TSTD2: variants seen among roughly 807,000 people sequenced by gnomAD.
TSTD2 encodes thiosulfate sulfurtransferase like domain containing 2.
Under a neutral mutation model 47.9 loss-of-function variants are expected in TSTD2, and 37 were observed. The ratio of observed to expected loss-of-function variants is 0.77; its 90% CI spans 0.59 to 1.02. The LOEUF is 1.02. TSTD2 is among the 50% of genes least tolerant of loss of function. The pLI is 0.00. For missense variants in TSTD2, 586 were observed against 616.0 expected, an observed-to-expected ratio of 0.95 and a Z score of 0.52; for synonymous variants, 201 against 215.9, an observed-to-expected ratio of 0.93 and a Z score of 0.61.
chr9:97,615,447 T>C lies in TSTD2; in HGVS notation c.603+2310A>G, dbSNP rs760320961. On this transcript the variant is annotated intron_variant, in intron 4 of 9. Transcript: ENST00000341170. ...CAGATCTTACTAGCTCCCAATCTTA[T>C]AACTTTTCCTTTCCAAAGCCTTCAA... Among the ~76,000 whole-genome samples, 2 of 152,374 alleles carry C rather than the reference T, an allele frequency of 1.3e-5. 1 individual carries two copies.
chr9:97,608,717 G>A (rs1276469044), intron 6 of TSTD2, among the ~76,000 whole-genome samples: 1 of 152,184 alleles, frequency 6.6e-6, no homozygotes, highest in Non-Finnish European at 1.5e-5. Context: ...TGCCTGCAAT[G>A]TCCTGCAGTG....
rs1826245129 is a variant in TSTD2, at chr9:97,601,009, G to A, written c.*1460C>T. On this transcript the variant is annotated 3_prime_UTR_variant, in exon 10 of 10. Coordinates refer to ENST00000341170, the MANE Select transcript of TSTD2 (RefSeq NM_139246.5). Reference sequence around the variant, plus strand: ...GAACTCCAGAGCACTGAGCAGAGAGGCTGGTGATGAAAAGGTGAAGGCCTG... The same window carrying A: ...GAACTCCAGAGCACTGAGCAGAGAGACTGGTGATGAAAAGGTGAAGGCCTG... The A allele has an allele frequency of 7.8e-7, 1 of 1,289,086 alleles. No individual in the cohort carries two copies. Among genetic ancestry groups the A allele is most frequent in the Non-Finnish European group, 1.0e-6 (1 of 980,218 alleles). 79.9% of individuals were successfully genotyped at this position (1,289,086 alleles called of 1,614,324 possible). A position where few individuals can be genotyped will look rare whatever the true frequency, so the allele number is the denominator to read the frequency against.
rs370389075 is a variant in TSTD2 at position 97,602,699 on chromosome 9, C to T, written c.1321G>A (p.Val441Ile). ...LCSTPQCRQL[V>I]LTCPACQGQG... ...CCTTGACAGGCAGGGCAGGTCAAAA[C>T]GAGCTGGCGGCACTGGGGAGTAGAG... Residue 441 changes from valine to isoleucine, a missense_variant, in exon 10 of 10, where the codon GTT becomes ATT. Physicochemically the swap from Val to Ile is conservative, Grantham distance 29. Transcript: ENST00000341170. 14 of 1,614,050 alleles carry T rather than the reference C, an allele frequency of 8.7e-6. No homozygotes were observed. The highest frequency in any genetic ancestry group is 4.5e-5 in the East Asian group (2 of 44,894).
intron 5 of TSTD2, 126 bp downstream of exon 5, chr9:97,611,448 A>G (rs1250494750): frequency 1.3e-5 from 16 of 1,186,626 alleles, no homozygotes; most frequent in African/African-American, 4.6e-5. Flanking sequence ...CCAAGCCCCA[A>G]AAAATAAAGG....
chr9:97,614,775 C>T (rs1187953771), intron 4 of TSTD2, among the ~76,000 whole-genome samples: 1 of 152,208 alleles, frequency 6.6e-6, no homozygotes, highest in East Asian at 1.9e-4. Flanking sequence ...ACGTATAGTA[C>T]TGTAAAATGT....
At chr9:97,623,423 C>A (rs1826671171) in intron 3 of TSTD2, among the ~76,000 whole-genome samples, 1 of 152,212 alleles carries the variant, frequency 6.6e-6, no homozygotes, top group Admixed American at 6.5e-5. Context: ...CAGACTAATA[C>A]AAAACCCTTT....
intron 9 of TSTD2, 161 bp from the exon 10 acceptor site, chr9:97,602,928 C>T: frequency 1.7e-6 from 1 of 599,562 alleles, no homozygotes; most frequent in Non-Finnish European, 2.8e-6. Flanking sequence ...AACTAACCAC[C>T]ACCCCCACCA....
intron 1 of TSTD2, among the ~76,000 whole-genome samples, chr9:97,628,902 C>T (rs904959904): frequency 1.3e-5 from 2 of 152,180 alleles, no homozygotes; most frequent in African/African-American, 4.8e-5. Context: ...CAGCATCAAC[C>T]ACTAGACCCT....
At chr9:97,628,552 A>G (rs1826758440) in intron 1 of TSTD2, among the ~76,000 whole-genome samples, 1 of 152,196 alleles carries the variant, frequency 6.6e-6, no homozygotes. Flanking sequence ...TATTATTAAT[A>G]TTTTAATTGA....
chr9:97,626,142 A>T, intron 2 of TSTD2, 145 bp from the exon 3 acceptor site: 4 of 783,928 alleles, frequency 5.1e-6, no homozygotes, highest in Non-Finnish European at 7.8e-6. Context: ...CTGAGAAGTA[A>T]CACTTCTCTT....
At chr9:97,624,421 C>T (rs551211483) in intron 3 of TSTD2, among the ~76,000 whole-genome samples, 32 of 152,240 alleles carry the variant, frequency 2.1e-4, no homozygotes, top group African/African-American at 7.2e-4. Flanking sequence ...AACAGATTTA[C>T]TGGCCCCAGT....
chr9:97,633,360 G>A lies in TSTD2; in HGVS notation c.-168C>T. Reference sequence around the variant, plus strand: ...GCCGCGTATTTGGGTAGAAAAGCTCGCTCGTGACGTCACCAAGCTCCGGAA... The same window carrying A: ...GCCGCGTATTTGGGTAGAAAAGCTCACTCGTGACGTCACCAAGCTCCGGAA... On this transcript the variant is annotated 5_prime_UTR_variant, in exon 1 of 10. Coordinates refer to ENST00000341170, the MANE Select transcript of TSTD2 (RefSeq NM_139246.5). 5.3e-6 allele frequency: 2 copies of A among 378,276 alleles called. No individual in the cohort carries two copies. The highest frequency in any genetic ancestry group is 9.4e-6 in the Non-Finnish European group (2 of 213,040). The allele number at this position is 378,276 out of a possible 1,614,324, so 23.4% of individuals were successfully genotyped here. A position where few individuals can be genotyped will look rare whatever the true frequency, so the allele number is the denominator to read the frequency against.
At position 97,610,324 on chromosome 9, in the gene TSTD2, A is replaced by G. The variant is rs200186171; in HGVS notation, c.835+22T>C. 198 of 1,592,064 alleles carry G rather than the reference A, an allele frequency of 1.2e-4. No individual in the cohort carries two copies. In the African/African-American group the frequency reaches 2.2e-3, roughly 18 times the overall value. The stretch of plus-strand genomic sequence containing the variant: ...GTTTTGTCCCTGTGAATTAAAGCAC[A>G]ATCTTCTAAAAGCAAGCATACCAGG... On this transcript the variant is annotated intron_variant, in intron 6 of 9. Transcript: ENST00000341170.
chr9:97,611,768 A>G, intron 4 of TSTD2, 69 bp from the exon 5 acceptor site: 1 of 1,522,578 alleles, frequency 6.6e-7, no homozygotes, highest in South Asian at 1.2e-5. Flanking sequence ...GGGAAGAACA[A>G]TAGGCTCATG....
intron 6 of TSTD2, 108 bp downstream of exon 6, chr9:97,610,238 T>C (rs752348554): frequency 2.2e-6 from 2 of 924,508 alleles, no homozygotes; most frequent in Non-Finnish European, 1.6e-6. Context: ...CCACAGCTGC[T>C]TTAGAGAGGA....
chr9:97,629,912 C>T (rs117906209), intron 1 of TSTD2, among the ~76,000 whole-genome samples: 4,353 of 152,304 alleles, frequency 0.029, 90 homozygotes, highest in Non-Finnish European at 0.041. Flanking sequence ...CCTCCAGCAT[C>T]TTTTCCAATC....
intron 6 of TSTD2, 147 bp downstream of exon 6, chr9:97,610,199 G>A: frequency 1.7e-6 from 1 of 581,828 alleles, no homozygotes; most frequent in South Asian, 2.4e-5. Flanking sequence ...AACAGTATAA[G>A]CACTGGATGC....
chr9:97,632,606 A>C (rs1307352534), intron 1 of TSTD2, among the ~76,000 whole-genome samples: 4 of 150,464 alleles, frequency 2.7e-5, no homozygotes, highest in African/African-American at 2.5e-5. Flanking sequence ...TGGGTCTTGA[A>C]CTCCTAGGCT....
chr9:97,611,476 G>T, intron 5 of TSTD2, 98 bp downstream of exon 5: 1 of 1,344,978 alleles, frequency 7.4e-7, no homozygotes, highest in Non-Finnish European at 9.9e-7. Flanking sequence ...GTATTTATTT[G>T]GCACTGCTTA....
Sources: gnomAD v4.1 joint callset for allele counts (sites outside exome capture counted in the v4.1 genomes callset) on GRCh38, gnomAD v4.1.1 for gene constraint, MANE v1.5 for transcripts, NCBI Gene and HGNC (gene_info 2026-07-23, HGNC 2026-07-21) for gene names.